Variants in DBNDD1 observed in about 807,000 individuals in gnomAD.
DBNDD1 encodes the protein dysbindin domain containing 1.
A neutral mutation model predicts 17.0 loss-of-function variants in DBNDD1; 14 were observed. That is an observed-to-expected ratio of 0.82 (90% CI 0.54 to 1.29). DBNDD1 has a LOEUF of 1.29. Among genes scored for constraint, DBNDD1 ranks in the 50% most tolerant of loss-of-function variants. DBNDD1 has a pLI of 0.00. For missense variants in DBNDD1, 221 were observed against 216.2 expected (o/e 1.02, Z -0.14); for synonymous variants, 105 against 102.0 (o/e 1.03, Z -0.18).
At chr16:90,008,653 C>A in intron 3 of DBNDD1, 131 bp downstream of exon 3, 1 of 633,024 alleles carries the variant, frequency 1.6e-6, no homozygotes, top group Admixed American at 3.3e-5. Flanking sequence ...TCCCAAGGGG[C>A]CTCACCCCCC....
intron 3 of DBNDD1, 187 bp from the exon 4 acceptor site, chr16:90,006,679 G>A (rs951206387): frequency 1.3e-6 from 1 of 767,326 alleles, no homozygotes; most frequent in Admixed American, 2.9e-5. Flanking sequence ...CCAGAGAGGT[G>A]GATGTTGTGG....
chr16:90,012,301 G>A lies in DBNDD1; in HGVS notation c.32-2871C>T, dbSNP rs117991583. On this transcript the variant is annotated intron_variant, in intron 1 of 3. Transcript: ENST00000002501. ...CCCTGCTCTCAGGATCCCCAGCTGAGGAAGGCTACAGGGGCTCTTACCTCC... is the reference window on the plus strand; with the variant it reads ...CCCTGCTCTCAGGATCCCCAGCTGAAGAAGGCTACAGGGGCTCTTACCTCC... Among the ~76,000 whole-genome samples the A allele has an allele frequency of 7.9e-5, 12 of 152,306 alleles. No homozygotes were observed. In the East Asian group the frequency reaches 1.9e-3, roughly 24 times the overall value.
At chr16:90,014,610 G>A (rs2035609162) in intron 1 of DBNDD1, among the ~76,000 whole-genome samples, 1 of 152,164 alleles carries the variant, frequency 6.6e-6, no homozygotes, top group South Asian at 2.1e-4. Context: ...ATAGATCCTG[G>A]GGTCCCAAGG....
chr16:90,009,048 C>T, intron 2 of DBNDD1, 124 bp from the exon 3 acceptor site: 5 of 1,328,098 alleles, frequency 3.8e-6, no homozygotes, highest in Non-Finnish European at 5.0e-6. Context: ...CAGCTTCCTG[C>T]AAAGCCCACA....
At chr16:90,010,644 T>C (rs2035537899) in intron 1 of DBNDD1, among the ~76,000 whole-genome samples, 1 of 152,056 alleles carries the variant, frequency 6.6e-6, no homozygotes, top group Non-Finnish European at 1.5e-5. Context: ...GTTTCTTTTA[T>C]ATACTTAACA....
At chr16:90,010,028 T>C (rs2035520830) in intron 1 of DBNDD1, 3 of 1,614,040 alleles carry the variant, frequency 1.9e-6, no homozygotes, top group African/African-American at 1.3e-5. Flanking sequence ...TGAGCAAATA[T>C]TCTTCCAGGT....
upstream of DBNDD1, chr16:90,019,464 G>T (rs2035729057): frequency 2.8e-6 from 1 of 352,574 alleles, no homozygotes. The surrounding 1 kb of genome is among the most constrained non-coding windows in gnomAD (Gnocchi z 6.1). Flanking sequence ...AGCAACCGGG[G>T]GGCCGCGGCG....
Position 90,008,836 on chromosome 16 carries a change from G to A in DBNDD1, c.267C>T (p.Ala89=), listed in dbSNP as rs201435756. 16 of 1,604,582 alleles carry A rather than the reference G, an allele frequency of 1.0e-5. No homozygotes were observed. Among genetic ancestry groups the A allele is most frequent in the African/African-American group, 8.0e-5 (6 of 74,876 alleles). The change falls in exon 3 of 4, where the codon GCC becomes GCT. Residue 89 remains alanine, a synonymous_variant. Transcript: ENST00000002501. ...CGTCGTCCGAGTCAGCAAAGACCTC[G>A]GCCAGCTCCTGGTCCGACATGTCGG... ...ELTDMSDQEL[A]EVFADSDDEN... is the part of the protein sequence containing the mutation.
intron 1 of DBNDD1, chr16:90,009,714 A>G: frequency 1.6e-6 from 1 of 624,596 alleles, no homozygotes; most frequent in South Asian, 2.0e-5. Context: ...ATGAAAGCCG[A>G]CCATGCAGGC....
At chr16:90,009,842 G>T in intron 1 of DBNDD1, 1 of 996,070 alleles carries the variant, frequency 1.0e-6, no homozygotes, top group Non-Finnish European at 1.5e-6. Flanking sequence ...CCAGCCTCTT[G>T]GTCCCCTTCA....
In DBNDD1 at chr16:90,006,220, G is replaced by C. The variant is rs2035419917; in HGVS notation, c.*115C>G. On this transcript the variant is annotated 3_prime_UTR_variant, in exon 4 of 4. Transcript: ENST00000002501. ...GCTGCCCCCAGGGTGTGTGTCAGGA[G>C]GTGACGGCTGGAGCCTCGTGGGCGG... The C allele has an allele frequency of 8.7e-6, 12 of 1,379,220 alleles. No individual in the cohort carries two copies. The highest frequency in any genetic ancestry group is 4.5e-5 in the Admixed American group (2 of 44,386). The allele number at this position is 1,379,220 out of a possible 1,614,324, so 85.4% of individuals were successfully genotyped here.
chr16:90,010,800 C>T (rs1009673113), intron 1 of DBNDD1, among the ~76,000 whole-genome samples: 2 of 152,222 alleles, frequency 1.3e-5, no homozygotes, highest in African/African-American at 2.4e-5. Flanking sequence ...GCCGTCCTAG[C>T]GGCCACCTCA....
At position 90,009,287 on chromosome 16, in the gene DBNDD1, T is replaced by C; in HGVS notation, c.175A>G (p.Arg59Gly). The C allele has an allele frequency of 6.2e-7, 1 of 1,613,122 alleles. No individual in the cohort carries two copies. Among genetic ancestry groups the C allele is most frequent in the Non-Finnish European group, 8.5e-7 (1 of 1,179,900 alleles). ...APGLLQVTER[R>G]QPLSSVSSLE... is the part of the protein sequence containing the mutation. ...CTGGGCAGGGAGCAGTACTTACGCC[T>C]CCTCTCCGTGACCTGCAGGAGCCCC... Residue 59 changes from arginine (R) to glycine (G), a missense_variant, in exon 2 of 4, where the codon AGG becomes GGG. Transcript: ENST00000002501.
chr16:90,016,745 T>C (rs1200472940), intron 1 of DBNDD1, among the ~76,000 whole-genome samples: 1 of 152,216 alleles, frequency 6.6e-6, no homozygotes, highest in Non-Finnish European at 1.5e-5. Flanking sequence ...CTGGGAAACT[T>C]GGCCCAAATC....
rs138363871 is a variant in DBNDD1 at position 90,014,895 on chromosome 16, C to T, written c.31+4416G>A. Among the ~76,000 whole-genome samples, 676 of 151,796 alleles carry T rather than the reference C, an allele frequency of 4.5e-3. 4 individuals are homozygous for T. The highest frequency in any genetic ancestry group is 0.015 in the African/African-American group (640 of 41,388). ...TGGTACGTGCCTGTAGTCCCAGCTA[C>T]TCAGGAGGCTGAGGCAGGAGACTCG... On this transcript the variant is annotated intron_variant, in intron 1 of 3. Coordinates refer to ENST00000002501, the MANE Select transcript of DBNDD1 (RefSeq NM_001042610.3).
At chr16:90,006,707 C>T in intron 3 of DBNDD1, 1 of 640,950 alleles carries the variant, frequency 1.6e-6, no homozygotes, top group Non-Finnish European at 2.6e-6. Context: ...GGGGCCTGGG[C>T]AGGGTCTTTT....
At chr16:90,013,261 T>TAAAAAAAAAAAAAAAAAAAAAAA (rs1567835111) in intron 1 of DBNDD1, among the ~76,000 whole-genome samples, 1 of 4,490 alleles carries the variant, frequency 2.2e-4, no homozygotes, top group Non-Finnish European at 4.9e-4. Context: ...AAACCTTGCC[T>TAAAAAAAAAAAAAAAAAAAAAAA]TAAAAAAAAA....
chr16:90,008,848 G>C lies in DBNDD1; in HGVS notation c.255C>G (p.Asp85Glu). 1.2e-6 allele frequency: 2 copies of C among 1,604,332 alleles called. No individual in the cohort carries two copies. Among genetic ancestry groups the C allele is most frequent in the Non-Finnish European group, 1.7e-6 (2 of 1,174,000 alleles). Reference protein sequence around the residue: ...LDLTELTDMSDQELAEVFADS... With the variant: ...LDLTELTDMSEQELAEVFADS... ...CAGCAAAGACCTCGGCCAGCTCCTG[G>C]TCCGACATGTCGGTGAGCTCAGTGA... The change falls in exon 3 of 4, where the codon GAC becomes GAG. Residue 85 changes from aspartate (D) to glutamate (E), a missense_variant. By Grantham distance (45) the Asp-to-Glu change is conservative. Transcript: ENST00000002501.
At chr16:90,014,277 C>T (rs990124395) in intron 1 of DBNDD1, among the ~76,000 whole-genome samples, 2 of 152,028 alleles carry the variant, frequency 1.3e-5, no homozygotes, top group Non-Finnish European at 2.9e-5. Flanking sequence ...CAGGCGTGCG[C>T]CACCATGCCT....
Sources: allele counts gnomAD v4.1 joint callset (sites outside exome capture counted in the v4.1 genomes callset), GRCh38; gene constraint gnomAD v4.1.1; non-coding constraint Gnocchi (gnomAD v3.1); transcripts MANE v1.5; gene names NCBI Gene and HGNC (gene_info 2026-07-23, HGNC 2026-07-21).